Variants in NR3C2 observed in about 807,000 individuals in gnomAD.
NR3C2 encodes the protein nuclear receptor subfamily 3 group C member 2.
NR3C2 carries 15 observed loss-of-function variants against 86.4 expected under a neutral mutation model. The ratio of observed to expected loss-of-function variants is 0.17; its 90% CI spans 0.12 to 0.27. The LOEUF (loss-of-function observed/expected upper bound fraction) is 0.27. Among genes scored for constraint, NR3C2 ranks in the 10% least tolerant of loss-of-function variants. NR3C2 has a pLI of 1.00. For synonymous variants in NR3C2, 458 were observed against 450.5 expected, an observed-to-expected ratio of 1.02 and a Z score of -0.21; for missense variants, 960 against 1,195.6, an observed-to-expected ratio of 0.80 and a Z score of 2.91.
intron 2 of NR3C2, among the ~76,000 whole-genome samples, chr4:148,317,878 CTTTTTT>C (rs146579891): frequency 2.9e-4 from 44 of 149,722 alleles, no homozygotes; most frequent in African/African-American, 1.0e-3. Context: ...TTTTCTTTTT[CTTTTTT>C]TTTATTATAC....
At chr4:148,260,246 T>C in intron 2 of NR3C2, 129 bp from the exon 3 acceptor site, 1 of 1,154,684 alleles carries the variant, frequency 8.7e-7, no homozygotes, top group Non-Finnish European at 1.3e-6. Flanking sequence ...GACCACATAC[T>C]ATGTGACTTA....
At chr4:148,444,073 T>G, upstream of NR3C2, 1 of 985,170 alleles carries the variant, frequency 1.0e-6, no homozygotes, top group Non-Finnish European at 1.2e-6. Flanking sequence ...ACGCGCACTC[T>G]CCCGGCCCAG....
intron 2 of NR3C2, among the ~76,000 whole-genome samples, chr4:148,367,950 G>A (rs1042205327): frequency 9.3e-5 from 14 of 150,744 alleles, no homozygotes; most frequent in East Asian, 1.9e-4. Flanking sequence ...CAGAGCAACC[G>A]TCTTTCACAT....
chr4:148,242,706 T>G (rs984487113), intron 3 of NR3C2, among the ~76,000 whole-genome samples: 1 of 152,184 alleles, frequency 6.6e-6, no homozygotes, highest in Non-Finnish European at 1.5e-5. Context: ...GACTACTTAC[T>G]AAAAACTGTT....
chr4:148,131,903 A>C (rs570944170), intron 6 of NR3C2, among the ~76,000 whole-genome samples: 1 of 152,352 alleles, frequency 6.6e-6, no homozygotes, highest in South Asian at 2.1e-4. Context: ...TTCATGATAC[A>C]CAGATCAGAA....
intron 8 of NR3C2, among the ~76,000 whole-genome samples, chr4:148,107,050 A>C (rs1731831363): frequency 6.6e-6 from 1 of 152,224 alleles, no homozygotes; most frequent in Non-Finnish European, 1.5e-5. Flanking sequence ...CATCAATAGA[A>C]ACTATTATCA....
chr4:148,273,026 C>T (rs1383328024), intron 2 of NR3C2, among the ~76,000 whole-genome samples: 10 of 152,078 alleles, frequency 6.6e-5, no homozygotes, highest in African/African-American at 1.4e-4. Flanking sequence ...TGCCATGTAC[C>T]GGGGCCAGAT....
chr4:148,435,783 G>C lies in NR3C2; in HGVS notation c.1078C>G (p.Pro360Ala). The C allele has an allele frequency of 6.2e-7, 1 of 1,614,120 alleles. No homozygotes were observed. Among genetic ancestry groups the C allele is most frequent in the Non-Finnish European group, 8.5e-7 (1 of 1,180,024 alleles). The change falls in exon 2 of 9, where the codon CCC becomes GCC. Residue 360 changes from proline to alanine, a missense_variant. Around this residue, in one of 4 missense-constraint regions of NR3C2, gnomAD observed 680 missense variants for 719.0 expected, o/e 0.95. Transcript: ENST00000358102. The part of the protein sequence containing the change: ...AGSSTLRDVV[P>A]SPDTQEKGAQ... ...CCTTTCTCCTGCGTGTCTGGACTGG[G>C]AACCACATCCCGCAATGTACTGGAT...
chr4:148,331,620 C>T (rs6535602), intron 2 of NR3C2, among the ~76,000 whole-genome samples: 51,457 of 152,050 alleles, frequency 0.34, 9,957 homozygotes, highest in African/African-American at 0.54. Context: ...GAAAAACTGC[C>T]ATTTCCATAA....
At chr4:148,177,887 A>G (rs1735449777) in intron 4 of NR3C2, among the ~76,000 whole-genome samples, 2 of 152,196 alleles carry the variant, frequency 1.3e-5, no homozygotes, top group South Asian at 4.1e-4. Flanking sequence ...AGAACAATTT[A>G]GTTATAGAGA....
intron 6 of NR3C2, among the ~76,000 whole-genome samples, chr4:148,133,322 T>C (rs1252204350): frequency 6.6e-6 from 1 of 152,138 alleles, no homozygotes; most frequent in African/African-American, 2.4e-5. Flanking sequence ...AGATCTCAGA[T>C]GGTTAAACAG....
At chr4:148,090,272 A>T (rs1731000109) in intron 8 of NR3C2, among the ~76,000 whole-genome samples, 1 of 152,204 alleles carries the variant, frequency 6.6e-6, no homozygotes, top group South Asian at 2.1e-4. Context: ...GAGGGAAGGG[A>T]GGAGGTGCAG....
At position 148,217,161 on chromosome 4, in the gene NR3C2, G is replaced by C. The variant is rs187933789; in HGVS notation, c.1898-22299C>G. Among the ~76,000 whole-genome samples, 12 of 152,278 alleles carry C rather than the reference G, an allele frequency of 7.9e-5. No homozygotes were observed. In the East Asian group the frequency reaches 2.3e-3, roughly 29 times the overall value. On this transcript the variant is annotated intron_variant, in intron 3 of 8. Coordinates refer to ENST00000358102, the MANE Select transcript of NR3C2 (RefSeq NM_000901.5). ...AGCACTTATTTGCATGACTGCAATG[G>C]GTTCCCCGTGGTCAGAGTTCCCCGC...
chr4:148,238,496 A>C (rs1000471348), intron 3 of NR3C2, among the ~76,000 whole-genome samples: 2 of 152,192 alleles, frequency 1.3e-5, no homozygotes, highest in Non-Finnish European at 2.9e-5. Flanking sequence ...ATGGCATCAA[A>C]AGACTATCAT....
intron 2 of NR3C2, among the ~76,000 whole-genome samples, chr4:148,270,126 T>C (rs1740605265): frequency 6.6e-6 from 1 of 151,920 alleles, no homozygotes; most frequent in South Asian, 2.1e-4. Flanking sequence ...ATGTAAAACA[T>C]GCTTCATCAT....
At chr4:148,290,948 C>G (rs1449125624) in intron 2 of NR3C2, among the ~76,000 whole-genome samples, 1 of 152,104 alleles carries the variant, frequency 6.6e-6, no homozygotes, top group East Asian at 1.9e-4. Context: ...TTAGAATGAG[C>G]AAACAAATTA....
chr4:148,380,817 T>C (rs534261436), intron 2 of NR3C2, among the ~76,000 whole-genome samples: 7 of 152,340 alleles, frequency 4.6e-5, no homozygotes, highest in African/African-American at 1.4e-4. Flanking sequence ...TGCTTACATA[T>C]TTAGACCTCA....
In NR3C2 at chr4:148,298,726, A is replaced by G. The variant is rs1742183293; in HGVS notation, c.1758-38609T>C. Among the ~76,000 whole-genome samples, 3 of 152,374 alleles carry G rather than the reference A, an allele frequency of 2.0e-5. No individual in the cohort carries two copies. The South Asian group carries it at 6.2e-4, about 32-fold the overall frequency. ...TAGCACTTGGGCTGATCAGAGTTCA[A>G]CAAAGCACACAAATTCTAGTTACCC... On this transcript the variant is annotated intron_variant, in intron 2 of 8. Transcript: ENST00000358102.
At chr4:148,346,608 A>G (rs1383094660) in intron 2 of NR3C2, among the ~76,000 whole-genome samples, 1 of 152,132 alleles carries the variant, frequency 6.6e-6, no homozygotes, top group African/African-American at 2.4e-5. Flanking sequence ...TCTATGGTGC[A>G]CCTGGGATAC....
Sources: allele counts gnomAD v4.1 joint callset (sites outside exome capture counted in the v4.1 genomes callset), GRCh38; gene constraint gnomAD v4.1.1; regional missense constraint gnomAD v4.1.1; transcripts MANE v1.5; gene names NCBI Gene and HGNC (gene_info 2026-07-23, HGNC 2026-07-21).